Variants in SUPT5H observed in about 807,000 individuals in gnomAD.
SUPT5H encodes the protein transcription elongation factor SPT5.
Under a neutral mutation model 142.5 loss-of-function variants are expected in SUPT5H, and 24 were observed. The ratio of observed to expected loss-of-function variants is 0.17; its 90% CI spans 0.12 to 0.24. The LOEUF (loss-of-function observed/expected upper bound fraction) is 0.24. SUPT5H is among the 10% of genes least tolerant of loss of function. SUPT5H has a pLI of 1.00. For synonymous variants in SUPT5H, 546 were observed against 553.0 expected, an observed-to-expected ratio of 0.99 and a Z score of 0.18; for missense variants, 893 against 1,471.8, an observed-to-expected ratio of 0.61 and a Z score of 6.43.
At chr19:39,456,554 A>T (rs1207100656) in intron 3 of SUPT5H, among the ~76,000 whole-genome samples, 1 of 151,588 alleles carries the variant, frequency 6.6e-6, no homozygotes, top group Non-Finnish European at 1.5e-5. Flanking sequence ...AGTAGCTGGG[A>T]TTACAGGCGC....
In SUPT5H at chr19:39,473,775, G is replaced by A. The variant is rs1413354356; in HGVS notation, c.2493-188G>A. Among the ~76,000 whole-genome samples, 1 of 152,140 alleles carries A rather than the reference G, an allele frequency of 6.6e-6. No individual in the cohort carries two copies. Among genetic ancestry groups the A allele is most frequent in the Non-Finnish European group, 1.5e-5 (1 of 68,004 alleles). On this transcript the variant is annotated intron_variant, in intron 25 of 29. Coordinates refer to ENST00000432763, the MANE Select transcript of SUPT5H (RefSeq NM_001111020.3). The surrounding 1 kb of genome is among the most constrained non-coding windows in gnomAD (Gnocchi z 5.8). Reference sequence around the variant, plus strand: ...AGACTGCCTGGGTGGAGTGACCTTGGGAGGGCACCCTCATCTCTGTCAACC... The same window carrying A: ...AGACTGCCTGGGTGGAGTGACCTTGAGAGGGCACCCTCATCTCTGTCAACC...
chr19:39,460,689 C>T (rs979119438), intron 10 of SUPT5H, among the ~76,000 whole-genome samples: 9 of 152,098 alleles, frequency 5.9e-5, no homozygotes, highest in Admixed American at 1.3e-4. Context: ...GAGCCGAGAT[C>T]GCATCACTGC....
chr19:39,448,160 A>G (rs1568416450), intron 2 of SUPT5H, among the ~76,000 whole-genome samples: 1 of 152,316 alleles, frequency 6.6e-6, no homozygotes, highest in East Asian at 1.9e-4. Flanking sequence ...AGAGTGAAGA[A>G]AAGGAAAAGA....
intron 20 of SUPT5H, 118 bp downstream of exon 20, chr19:39,471,848 G>A: frequency 7.2e-7 from 1 of 1,394,118 alleles, no homozygotes; most frequent in South Asian, 1.5e-5. Flanking sequence ...CAGTGTCATT[G>A]TCAGGTCCTT....
At chr19:39,468,559 G>A (rs2079274611) in intron 13 of SUPT5H, 197 bp from the exon 14 acceptor site, 4 of 592,884 alleles carry the variant, frequency 6.7e-6, no homozygotes, top group African/African-American at 3.7e-5. Flanking sequence ...GGGAATGGGT[G>A]GAGGAGTGCA....
intron 20 of SUPT5H, 79 bp downstream of exon 20, chr19:39,471,809 A>G: frequency 1.3e-6 from 2 of 1,531,422 alleles, no homozygotes; most frequent in Non-Finnish European, 1.8e-6. Context: ...CAGAAGTGAT[A>G]AGATTGGGCT....
In SUPT5H at chr19:39,458,112, C is replaced by G. The variant is rs1687570219; in HGVS notation, c.308-182C>G. On this transcript the variant is annotated intron_variant, in intron 4 of 29. Coordinates refer to ENST00000432763, the MANE Select transcript of SUPT5H (RefSeq NM_001111020.3). The surrounding 1 kb of genome is among the most constrained non-coding windows in gnomAD (Gnocchi z 4.2). ...CTCATACATTTCGGCTTCTCCCCAA[C>G]CACCTGGTGCCTGGCCTTTACTTTT... 3 of 1,083,028 alleles carry G rather than the reference C, an allele frequency of 2.8e-6. No individual in the cohort carries two copies. The highest frequency in any genetic ancestry group is 2.6e-6 in the Non-Finnish European group (2 of 771,590). 67.1% of individuals were successfully genotyped at this position (1,083,028 alleles called of 1,614,324 possible).
Position 39,476,604 on chromosome 19 carries a change from T to G in SUPT5H, c.*205T>G. The G allele has an allele frequency of 3.2e-6, 2 of 623,264 alleles. No individual in the cohort carries two copies. The highest frequency in any genetic ancestry group is 2.9e-5 in the East Asian group (1 of 34,962). The allele number at this position is 623,264 out of a possible 1,614,324, so 38.6% of individuals were successfully genotyped here. ...CTGGGGGAGGGTCCCCACCTTCCTG[T>G]ACCTCCTCCCCACAGCTTGCTTTTG... On this transcript the variant is annotated 3_prime_UTR_variant, in exon 30 of 30. Coordinates refer to ENST00000432763, the MANE Select transcript of SUPT5H (RefSeq NM_001111020.3).
At position 39,476,577 on chromosome 19, in the gene SUPT5H, G is replaced by A; in HGVS notation, c.*178G>A. The A allele has an allele frequency of 1.2e-6, 1 of 809,668 alleles. No individual in the cohort carries two copies. The highest frequency in any genetic ancestry group is 1.9e-5 in the South Asian group (1 of 53,938). 50.2% of individuals were successfully genotyped at this position (809,668 alleles called of 1,614,324 possible). A position where few individuals can be genotyped will look rare whatever the true frequency, so the allele number is the denominator to read the frequency against. ...TGGTGCTCATTGGAATCTGAGTAGA[G>A]TCTGGGGGAGGGTCCCCACCTTCCT... On this transcript the variant is annotated 3_prime_UTR_variant, in exon 30 of 30. Coordinates refer to ENST00000432763, the MANE Select transcript of SUPT5H (RefSeq NM_001111020.3).
At chr19:39,465,690 G>C (rs145730826) in intron 11 of SUPT5H, among the ~76,000 whole-genome samples, 1 of 152,260 alleles carries the variant, frequency 6.6e-6, no homozygotes, top group East Asian at 1.9e-4. Flanking sequence ...AAATTACCTG[G>C]CCCAAAAAGT....
rs1404980518 is a variant in SUPT5H, at chr19:39,464,919, A to G, written c.746A>G (p.Tyr249Cys). Residue 249 changes from tyrosine to cysteine, a missense_variant, in exon 11 of 30, where the codon TAC (tyrosine) becomes TGC (cysteine). Physicochemically the swap from Tyr to Cys is radical, Grantham distance 194. Around this residue, in one of 6 missense-constraint regions of SUPT5H, gnomAD observed 428 missense variants for 763.5 expected, o/e 0.56. Coordinates refer to ENST00000432763, the MANE Select transcript of SUPT5H (RefSeq NM_001111020.3). Reference sequence around the variant, plus strand: ...GGGGTGGGCAACCTGCGGCTTGGCTACTGGAACCAGCAGATGGTGCCCATC... The same window carrying G: ...GGGGTGGGCAACCTGCGGCTTGGCTGCTGGAACCAGCAGATGGTGCCCATC... ...IEGVGNLRLG[Y>C]WNQQMVPIKE... 6.2e-7 allele frequency: 1 copy of G among 1,614,144 alleles called. No homozygotes were observed. The highest frequency in any genetic ancestry group is 8.5e-7 in the Non-Finnish European group (1 of 1,179,972).
At position 39,472,981 on chromosome 19, in the gene SUPT5H, C is replaced by A. The variant is rs79553880; in HGVS notation, c.2156-31C>A. The A allele has an allele frequency of 0.037, 58,862 of 1,612,224 alleles. 1,264 individuals are homozygous for A. The highest frequency in any genetic ancestry group is 0.061 in the South Asian group (5,572 of 91,028). ...GGGGAGGGGCATGGTGAAGGAGAGC[C>A]TGCCCAGCCTGACCTCCTGTCCCCC... On this transcript the variant is annotated intron_variant, in intron 22 of 29. Transcript: ENST00000432763. This position sits in a 1 kb window ranked among gnomAD's most constrained non-coding sequence, Gnocchi z 4.2.
chr19:39,453,657 CA>C, intron 3 of SUPT5H, 136 bp downstream of exon 3: 1 of 1,048,034 alleles, frequency 9.5e-7, no homozygotes, highest in Non-Finnish European at 1.3e-6. Flanking sequence ...TGGCTCACTG[CA>C]AGTTCATGCC....
chr19:39,476,657 T>C lies in SUPT5H; in HGVS notation c.*258T>C. On this transcript the variant is annotated 3_prime_UTR_variant, in exon 30 of 30. Coordinates refer to ENST00000432763, the MANE Select transcript of SUPT5H (RefSeq NM_001111020.3). The stretch of plus-strand genomic sequence containing the variant: ...GTACCGTCTTTCAATAAAAAGAAGC[T>C]GTTTGGTCTAAAAGTGCGTGTGTGT... The C allele has an allele frequency of 1.9e-6, 1 of 516,916 alleles. No individual in the cohort carries two copies. The highest frequency in any genetic ancestry group is 3.3e-5 in the Admixed American group (1 of 30,624). 32.0% of individuals were successfully genotyped at this position (516,916 alleles called of 1,614,324 possible).
At chr19:39,448,282 T>G (rs1377484140) in intron 2 of SUPT5H, among the ~76,000 whole-genome samples, 4 of 152,214 alleles carry the variant, frequency 2.6e-5, no homozygotes, top group African/African-American at 9.6e-5. Flanking sequence ...GACATTTGAT[T>G]GCCAATCTTT....
chr19:39,446,718 T>C (rs952187660), intron 2 of SUPT5H, among the ~76,000 whole-genome samples: 4 of 152,220 alleles, frequency 2.6e-5, no homozygotes, highest in East Asian at 1.9e-4. Flanking sequence ...ATAAAAACCA[T>C]TGGCTGAGGC....
At chr19:39,453,678 C>T (rs1264139725) in intron 3 of SUPT5H, among the ~76,000 whole-genome samples, 157 bp downstream of exon 3, 1 of 152,210 alleles carries the variant, frequency 6.6e-6, no homozygotes, top group African/African-American at 2.4e-5. Flanking sequence ...CATTCTCCTG[C>T]CTCAGCCTCC....
intron 3 of SUPT5H, 103 bp downstream of exon 3, chr19:39,453,624 G>T: frequency 2.2e-6 from 3 of 1,357,550 alleles, no homozygotes; most frequent in Non-Finnish European, 2.9e-6. Flanking sequence ...TGTCGCCCAG[G>T]CTGGAGTGCA....
intron 10 of SUPT5H, chr19:39,460,174 T>C: frequency 1.7e-6 from 1 of 571,996 alleles, no homozygotes; most frequent in East Asian, 3.0e-5. Flanking sequence ...TATGGCAGGG[T>C]CTTCCCACCC....
Sources: allele counts gnomAD v4.1 joint callset (sites outside exome capture counted in the v4.1 genomes callset), GRCh38; gene constraint gnomAD v4.1.1; regional missense constraint gnomAD v4.1.1; non-coding constraint Gnocchi (gnomAD v3.1); transcripts MANE v1.5; gene names NCBI Gene and HGNC (gene_info 2026-07-23, HGNC 2026-07-21).